VWC2L: variants seen among roughly 807,000 people sequenced by gnomAD.
The protein encoded by VWC2L is von Willebrand factor C domain-containing protein 2-like.
Under a neutral mutation model 21.6 loss-of-function variants are expected in VWC2L, and 10 were observed. The ratio of observed to expected loss-of-function variants is 0.46; its 90% confidence interval spans 0.29 to 0.78. The LOEUF (loss-of-function observed/expected upper bound fraction) is 0.78. VWC2L is among the 30% of genes least tolerant of loss of function. VWC2L has a pLI of 0.10. For synonymous variants in VWC2L, 96 were observed against 94.3 expected, an observed-to-expected ratio of 1.02 and a Z score of -0.10; for missense variants, 209 against 277.1, an observed-to-expected ratio of 0.75 and a Z score of 1.74.
At chr2:214,538,740 A>G (rs1689580669) in intron 3 of VWC2L, among the ~76,000 whole-genome samples, 1 of 151,940 alleles carries the variant, frequency 6.6e-6, no homozygotes, top group Admixed American at 6.6e-5. Flanking sequence ...ACCTTCTCCC[A>G]AGTTCATTCA....
At chr2:214,440,067 T>G (rs1702741881) in intron 3 of VWC2L, among the ~76,000 whole-genome samples, 1 of 151,966 alleles carries the variant, frequency 6.6e-6, no homozygotes, top group African/African-American at 2.4e-5. Context: ...TCTCAGTGAT[T>G]ACCATAAACA....
chr2:214,520,071 A>ACG (rs1553598720), intron 3 of VWC2L, among the ~76,000 whole-genome samples: 2 of 151,498 alleles, frequency 1.3e-5, no homozygotes, highest in African/African-American at 2.4e-5. Context: ...ACACACACAC[A>ACG]CACACACACA....
chr2:214,534,355 T>C (rs1689490665), intron 3 of VWC2L, among the ~76,000 whole-genome samples: 1 of 152,162 alleles, frequency 6.6e-6, no homozygotes, highest in Non-Finnish European at 1.5e-5. Context: ...TTGCATTTCT[T>C]TGGTTTCCAG....
At chr2:214,425,134 T>C (rs1268127784) in intron 2 of VWC2L, among the ~76,000 whole-genome samples, 2 of 152,224 alleles carry the variant, frequency 1.3e-5, no homozygotes, top group Admixed American at 6.5e-5. Flanking sequence ...AAATATTTAC[T>C]ATTTGGCTTT....
intron 3 of VWC2L, among the ~76,000 whole-genome samples, chr2:214,571,560 A>G (rs1283578687): frequency 2.0e-5 from 3 of 152,192 alleles, no homozygotes; most frequent in Admixed American, 2.0e-4. Flanking sequence ...CCAATATATA[A>G]TTAGTTTATA....
chr2:214,454,502 G>A (rs1703024410), intron 3 of VWC2L, among the ~76,000 whole-genome samples: 1 of 145,782 alleles, frequency 6.9e-6, no homozygotes, highest in African/African-American at 2.5e-5. Context: ...AGGAATTGAT[G>A]TTGGATTTTC....
chr2:214,533,347 C>T (rs994430329), intron 3 of VWC2L, among the ~76,000 whole-genome samples: 1 of 151,956 alleles, frequency 6.6e-6, no homozygotes, highest in Non-Finnish European at 1.5e-5. Flanking sequence ...ATTGAACAAG[C>T]CTGCAGCTGT....
chr2:214,466,596 G>A (rs189878946), intron 3 of VWC2L, among the ~76,000 whole-genome samples: 2 of 152,256 alleles, frequency 1.3e-5, no homozygotes, highest in Admixed American at 1.3e-4. Flanking sequence ...ACATGTACCA[G>A]GATGCTTAAA....
In VWC2L at chr2:214,520,448, A is replaced by G. The variant is rs1346986821; in HGVS notation, c.521-55224A>G. ...TAATAATTTCTATACTCTGGTTTTT[A>G]TAAATGATTCTTCAGTGAACTTCCT... On this transcript the variant is annotated intron_variant, in intron 3 of 3. Transcript: ENST00000312504. 2.0e-5 allele frequency among the ~76,000 whole-genome samples: 3 copies of G among 152,306 alleles called. No individual in the cohort carries two copies. In the East Asian group the frequency reaches 5.8e-4, roughly 29 times the overall value.
chr2:214,440,346 A>G (rs1313237013), intron 3 of VWC2L, among the ~76,000 whole-genome samples: 2 of 152,018 alleles, frequency 1.3e-5, no homozygotes, highest in African/African-American at 4.8e-5. Context: ...TCCTTTACAC[A>G]GCTCCAAGAA....
intron 3 of VWC2L, among the ~76,000 whole-genome samples, chr2:214,544,569 T>A (rs939918707): frequency 6.6e-6 from 1 of 152,148 alleles, no homozygotes; most frequent in Non-Finnish European, 1.5e-5. Context: ...GCCATCCTCA[T>A]TATAGGATGG....
intron 2 of VWC2L, among the ~76,000 whole-genome samples, chr2:214,428,279 A>G (rs1249965373): frequency 2.0e-5 from 3 of 152,214 alleles, no homozygotes; most frequent in Non-Finnish European, 4.4e-5. Context: ...GCTCCATCTT[A>G]CAAGCGAAAA....
intron 3 of VWC2L, among the ~76,000 whole-genome samples, chr2:214,567,445 A>G (rs1005430554): frequency 1.3e-5 from 2 of 151,988 alleles, no homozygotes; most frequent in African/African-American, 4.8e-5. Flanking sequence ...TGCAGTTTAG[A>G]GAAGAGATTG....
chr2:214,517,298 A>C (rs559140421), intron 3 of VWC2L, among the ~76,000 whole-genome samples: 4 of 152,308 alleles, frequency 2.6e-5, no homozygotes, highest in Admixed American at 6.5e-5. Context: ...GCTAAAAAGG[A>C]GAGCTATGTA....
At chr2:214,468,394 T>G (rs995720507) in intron 3 of VWC2L, among the ~76,000 whole-genome samples, 11 of 152,168 alleles carry the variant, frequency 7.2e-5, no homozygotes, top group African/African-American at 2.7e-4. Context: ...TCCAAATACC[T>G]AGTAAATTAT....
intron 3 of VWC2L, among the ~76,000 whole-genome samples, chr2:214,443,629 T>G (rs1256520253): frequency 6.6e-6 from 1 of 152,084 alleles, no homozygotes; most frequent in African/African-American, 2.4e-5. Flanking sequence ...AAGCAAAAAG[T>G]AATGACAAAT....
At chr2:214,515,593 A>C (rs1689129053) in intron 3 of VWC2L, among the ~76,000 whole-genome samples, 1 of 152,080 alleles carries the variant, frequency 6.6e-6, no homozygotes, top group Non-Finnish European at 1.5e-5. Context: ...TCGCTCTGTC[A>C]CCCAGACTAG....
intron 3 of VWC2L, among the ~76,000 whole-genome samples, chr2:214,516,216 A>G (rs1689140521): frequency 6.6e-6 from 1 of 152,030 alleles, no homozygotes; most frequent in Non-Finnish European, 1.5e-5. Context: ...CACCCGCTGC[A>G]TAGACCTTGA....
intron 3 of VWC2L, among the ~76,000 whole-genome samples, chr2:214,556,680 A>C (rs554072540): frequency 2.4e-4 from 36 of 152,218 alleles, no homozygotes; most frequent in Non-Finnish European, 4.6e-4. Context: ...CTGTTAGCAA[A>C]TCTAGCATAC....
Sources: gnomAD v4.1 joint callset for allele counts (sites outside exome capture counted in the v4.1 genomes callset) on GRCh38, gnomAD v4.1.1 for gene constraint, MANE v1.5 for transcripts, NCBI Gene and HGNC (gene_info 2026-07-23, HGNC 2026-07-21) for gene names.